GPR149: variants seen among roughly 807,000 people sequenced by gnomAD.
The protein encoded by GPR149 is probable G protein-coupled receptor 149.
GPR149 carries 50 observed loss-of-function variants against 50.2 expected under a neutral mutation model. That is an observed-to-expected ratio of 1.00 (90% CI 0.79 to 1.26). The LOEUF is 1.26. Among genes scored for constraint, GPR149 ranks in the 50% most tolerant of loss-of-function variants. The pLI is 0.00. For synonymous variants in GPR149, 405 were observed against 358.2 expected (o/e 1.13, Z -1.48); for missense variants, 983 against 895.4 (o/e 1.10, Z -1.25).
intron 3 of GPR149, among the ~76,000 whole-genome samples, chr3:154,347,180 T>C (rs1713950306): frequency 6.6e-6 from 1 of 152,234 alleles, no homozygotes; most frequent in South Asian, 2.1e-4. Context: ...GGCATTGCAC[T>C]TGGCATTTTA....
rs1361429786 is a variant in GPR149, at chr3:154,336,950, C to T, written c.*749G>A. 6.6e-6 allele frequency: 1 copy of T among 151,648 alleles called. No homozygotes were observed. The highest frequency in any genetic ancestry group is 2.4e-5 in the African/African-American group (1 of 41,322). 9.4% of individuals were successfully genotyped at this position (151,648 alleles called of 1,614,324 possible). ...GATAAAGTATACAATTACACAATTA[C>T]AACTTTTTTCCAATAATGTTTGAGT... On this transcript the variant is annotated 3_prime_UTR_variant, in exon 4 of 4. Transcript: ENST00000389740.
At position 154,337,854 on chromosome 3, in the gene GPR149, G is replaced by A; in HGVS notation, c.2041C>T (p.Pro681Ser). 6.2e-7 allele frequency: 1 copy of A among 1,613,992 alleles called. No individual in the cohort carries two copies. Among genetic ancestry groups the A allele is most frequent in the South Asian group, 1.1e-5 (1 of 91,048 alleles). ...SYSLFLPTSN[P>S]DGDINISIPD... is the part of the protein sequence containing the mutation. ...ATGGAGATATTAATATCACCATCAGGATTACTGGTGGGCAAAAAGAGGGAG... is the reference window on the plus strand; with the variant it reads ...ATGGAGATATTAATATCACCATCAGAATTACTGGTGGGCAAAAAGAGGGAG... Residue 681 changes from proline (P) to serine (S), a missense_variant, in exon 4 of 4, where the codon CCT becomes TCT. Coordinates refer to ENST00000389740, the MANE Select transcript of GPR149 (RefSeq NM_001038705.3).
intron 3 of GPR149, among the ~76,000 whole-genome samples, chr3:154,383,814 C>T (rs1714985445): frequency 6.6e-6 from 1 of 151,980 alleles, no homozygotes; most frequent in East Asian, 1.9e-4. Flanking sequence ...GTAGAGCCCT[C>T]ATGAGTAGGA....
At chr3:154,352,053 A>G (rs1714094062) in intron 3 of GPR149, 1 of 434,688 alleles carries the variant, frequency 2.3e-6, no homozygotes, top group Admixed American at 3.2e-5. Flanking sequence ...TACCTCAACT[A>G]TCATGAGCTA....
In GPR149 at chr3:154,429,722, TC is replaced by T; in HGVS notation, c.-108del. On this transcript the variant is annotated 5_prime_UTR_variant, in exon 1 of 4. Transcript: ENST00000389740. ...TTTCATTCCTCCTACCAAGTTCCCC[TC>T]TAGATGTTCTCCTTGTCAGTCCTGC... 1.1e-6 allele frequency: 1 copy of T among 945,086 alleles called. No homozygotes were observed. The highest frequency in any genetic ancestry group is 3.3e-4 in the Middle Eastern group (1 of 2,994). The allele number at this position is 945,086 out of a possible 1,614,324, so 58.5% of individuals were successfully genotyped here.
chr3:154,359,573 A>G lies in GPR149; in HGVS notation c.1624-21302T>C, dbSNP rs147226444. On this transcript the variant is annotated intron_variant, in intron 3 of 3. Transcript: ENST00000389740. Reference sequence around the variant, plus strand: ...GGGCCCACAGAGGTCGTGGTTATTCAGAGGCAACAGCTTTTCATAGACCTC... The same window carrying G: ...GGGCCCACAGAGGTCGTGGTTATTCGGAGGCAACAGCTTTTCATAGACCTC... 7.3e-3 allele frequency among the ~76,000 whole-genome samples: 1,108 copies of G among 152,264 alleles called. 12 individuals are homozygous for G. The highest frequency in any genetic ancestry group is 0.026 in the African/African-American group (1,071 of 41,544).
rs191795467 is a variant in GPR149, at chr3:154,335,983, A to G, written c.*1716T>C. ...AATTTTTCTTTTATAAAGACATTTA[A>G]TGCTACTGATTTATAATATCTGATT... On this transcript the variant is annotated 3_prime_UTR_variant, in exon 4 of 4. Transcript: ENST00000389740. The G allele has an allele frequency of 2.0e-5, 3 of 152,290 alleles. No homozygotes were observed. Among genetic ancestry groups the G allele is most frequent in the African/African-American group, 7.2e-5 (3 of 41,592 alleles). 9.4% of individuals were successfully genotyped at this position (152,290 alleles called of 1,614,324 possible). A position where few individuals can be genotyped will look rare whatever the true frequency, so the allele number is the denominator to read the frequency against.
intron 3 of GPR149, among the ~76,000 whole-genome samples, chr3:154,343,989 A>C (rs75403009): frequency 0.012 from 1,852 of 150,928 alleles, 30 homozygotes; most frequent in African/African-American, 0.039. Context: ...CCGCCCCCCC[A>C]AAAAAAAAGA....
At chr3:154,411,925 G>C (rs1711845485) in intron 3 of GPR149, among the ~76,000 whole-genome samples, 1 of 151,912 alleles carries the variant, frequency 6.6e-6, no homozygotes, top group Non-Finnish European at 1.5e-5. Flanking sequence ...AGTATCCCTG[G>C]TGAACATAGA....
At chr3:154,401,094 T>A (rs1238176619) in intron 3 of GPR149, among the ~76,000 whole-genome samples, 2 of 152,242 alleles carry the variant, frequency 1.3e-5, no homozygotes, top group Non-Finnish European at 2.9e-5. Flanking sequence ...TCTTAAAGGA[T>A]GAAATGCAAA....
At chr3:154,376,804 T>A (rs538592535) in intron 3 of GPR149, among the ~76,000 whole-genome samples, 1 of 152,228 alleles carries the variant, frequency 6.6e-6, no homozygotes, top group Admixed American at 6.5e-5. Context: ...GTTAAGAGGT[T>A]GGGTAGAGGA....
At chr3:154,416,361 A>G (rs1286028252) in intron 3 of GPR149, among the ~76,000 whole-genome samples, 1 of 151,794 alleles carries the variant, frequency 6.6e-6, no homozygotes. Flanking sequence ...TACAGAAATC[A>G]TCTGGAAGCT....
rs1713686845 is a variant in GPR149 at position 154,337,714 on chromosome 3, T to G, written c.2181A>C (p.Glu727Asp). 13 of 1,599,040 alleles carry G rather than the reference T, an allele frequency of 8.1e-6. No individual in the cohort carries two copies. Among genetic ancestry groups the G allele is most frequent in the Non-Finnish European group, 1.1e-5 (13 of 1,172,716 alleles). The change falls in exon 4 of 4, where the codon GAA becomes GAC. Residue 727 changes from glutamate (E) to aspartate (D), a missense_variant. By Grantham distance (45) the Glu-to-Asp change is conservative. Transcript: ENST00000389740. ...CAAATACCCACTAACTACCCTTGCTTTCTTCCTCTCTTTTTCTGTAAGCTT... is the reference window on the plus strand; with the variant it reads ...CAAATACCCACTAACTACCCTTGCTGTCTTCCTCTCTTTTTCTGTAAGCTT... ...LNKAYRKREE[E>D]SKGS
At position 154,412,999 on chromosome 3, in the gene GPR149, A is replaced by G. The variant is rs1396527337; in HGVS notation, c.1623+8040T>C. Among the ~76,000 whole-genome samples the G allele has an allele frequency of 5.9e-5, 9 of 151,920 alleles. No individual in the cohort carries two copies. In the East Asian group the frequency reaches 1.4e-3, roughly 23 times the overall value. On this transcript the variant is annotated intron_variant, in intron 3 of 3. Coordinates refer to ENST00000389740, the MANE Select transcript of GPR149 (RefSeq NM_001038705.3). ...AATAGGGAACCCAGAAATAAAACCA[A>G]ATACTTATAGTCAACTCATCTTTGA...
intron 3 of GPR149, among the ~76,000 whole-genome samples, chr3:154,401,711 T>C (rs1448485362): frequency 6.6e-6 from 1 of 152,124 alleles, no homozygotes. Flanking sequence ...ATTTTGGCTG[T>C]ATAATCATAA....
At chr3:154,364,325 T>C (rs1397047013) in intron 3 of GPR149, among the ~76,000 whole-genome samples, 1 of 152,240 alleles carries the variant, frequency 6.6e-6, no homozygotes, top group Non-Finnish European at 1.5e-5. Flanking sequence ...CATTCCACTC[T>C]TGGATCCTCA....
intron 3 of GPR149, among the ~76,000 whole-genome samples, chr3:154,364,210 C>T (rs1416100799): frequency 6.6e-6 from 1 of 152,176 alleles, no homozygotes; most frequent in Admixed American, 6.5e-5. Flanking sequence ...AGGGCAGAAC[C>T]CACAGGTCTA....
At chr3:154,349,465 C>T (rs1714015868) in intron 3 of GPR149, among the ~76,000 whole-genome samples, 1 of 152,158 alleles carries the variant, frequency 6.6e-6, no homozygotes, top group Non-Finnish European at 1.5e-5. Context: ...CTACAAACAC[C>T]TTTACACATT....
chr3:154,336,121 A>T lies in GPR149; in HGVS notation c.*1578T>A, dbSNP rs1713651505. ...ATTTGACTTTGAATTTATATGTTAC[A>T]CATTATTTGAGGCTTGCTTTACAAA... is the stretch of plus-strand genomic sequence containing the variant. On this transcript the variant is annotated 3_prime_UTR_variant, in exon 4 of 4. Transcript: ENST00000389740. 1 of 152,114 alleles carries T rather than the reference A, an allele frequency of 6.6e-6. No individual in the cohort carries two copies. The highest frequency in any genetic ancestry group is 6.5e-5 in the Admixed American group (1 of 15,272). 9.4% of individuals were successfully genotyped at this position (152,114 alleles called of 1,614,324 possible).
Sources: gnomAD v4.1 joint callset for allele counts (sites outside exome capture counted in the v4.1 genomes callset) on GRCh38, gnomAD v4.1.1 for gene constraint, MANE v1.5 for transcripts, NCBI Gene and HGNC (gene_info 2026-07-23, HGNC 2026-07-21) for gene names.